The following SP140 variants were observed in gnomAD, a reference collection of about 807,000 sequenced individuals.
The protein encoded by SP140 is SP140 nuclear body protein.
A neutral mutation model predicts 125.0 loss-of-function variants in SP140; 81 were observed. That is an observed-to-expected ratio of 0.65 (90% CI 0.54 to 0.78). The LOEUF (loss-of-function observed/expected upper bound fraction) is 0.78. SP140 is among the 30% of genes least tolerant of loss of function. The pLI, the probability that SP140 is intolerant of heterozygous loss-of-function variation, is 0.00. For synonymous variants in SP140, 312 were observed against 354.0 expected (o/e 0.88, Z 1.33); for missense variants, 858 against 1,037.0 (o/e 0.83, Z 2.37).
intron 1 of SP140, among the ~76,000 whole-genome samples, chr2:230,230,042 A>G (rs1321777224): frequency 6.6e-6 from 1 of 152,014 alleles, no homozygotes; most frequent in Admixed American, 6.6e-5. Flanking sequence ...CTTCTTGTCC[A>G]TTGCCCAGAA....
At chr2:230,213,279 A>G (rs7601299) in intron 1 of SP140, among the ~76,000 whole-genome samples, 114,139 of 152,050 alleles carry the variant, frequency 0.75, 43,220 homozygotes, top group East Asian at 0.88. Flanking sequence ...GGTTTCACAC[A>G]TAAAAGTTGA....
chr2:230,253,806 T>C (rs1022431662), intron 11 of SP140, among the ~76,000 whole-genome samples: 5 of 152,176 alleles, frequency 3.3e-5, no homozygotes, highest in Non-Finnish European at 7.4e-5. Context: ...AACACAGACG[T>C]AAGTTTTGTG....
At chr2:230,263,038 C>T (rs1368968470) in intron 12 of SP140, among the ~76,000 whole-genome samples, 1 of 152,106 alleles carries the variant, frequency 6.6e-6, no homozygotes, top group Non-Finnish European at 1.5e-5. Flanking sequence ...GATGACCTGT[C>T]TAGTGCTGTC....
At chr2:230,277,700 A>G (rs2054926308) in intron 15 of SP140, among the ~76,000 whole-genome samples, 1 of 152,206 alleles carries the variant, frequency 6.6e-6, no homozygotes, top group South Asian at 2.1e-4. Flanking sequence ...AATATTTGGA[A>G]TACTTTTTAA....
chr2:230,253,235 G>A (rs2050645864), intron 10 of SP140, 81 bp from the exon 11 acceptor site: 1 of 952,182 alleles, frequency 1.1e-6, no homozygotes, highest in East Asian at 2.4e-5. Context: ...ACAAGACAGG[G>A]GTGGCTCTTA....
At chr2:230,259,962 G>C (rs2051948707) in intron 12 of SP140, among the ~76,000 whole-genome samples, 1 of 152,040 alleles carries the variant, frequency 6.6e-6, no homozygotes, top group Non-Finnish European at 1.5e-5. Flanking sequence ...ATACCCAGTA[G>C]TGGGATTGCT....
chr2:230,307,377 A>T (rs1279004857), intron 22 of SP140, among the ~76,000 whole-genome samples: 1 of 152,216 alleles, frequency 6.6e-6, no homozygotes, highest in African/African-American at 2.4e-5. Context: ...GGGCTGAAAC[A>T]TGCCCCTTGA....
At chr2:230,235,900 G>A (rs2047924299) in intron 1 of SP140, among the ~76,000 whole-genome samples, 1 of 135,386 alleles carries the variant, frequency 7.4e-6, no homozygotes, top group Non-Finnish European at 1.6e-5. Context: ...TTTTGAGATG[G>A]AGTCTTGCCT....
intron 5 of SP140, 91 bp from the exon 6 acceptor site, chr2:230,244,897 A>G: frequency 2.3e-6 from 2 of 867,398 alleles, no homozygotes; most frequent in Non-Finnish European, 3.7e-6. Context: ...GTTTTTTTGC[A>G]AGGAGAAGCT....
In SP140 at chr2:230,294,314, A is replaced by T. The variant is rs775718681; in HGVS notation, c.2012A>T (p.Lys671Ile). 5.0e-6 allele frequency: 8 copies of T among 1,610,380 alleles called. No individual in the cohort carries two copies. The highest frequency in any genetic ancestry group is 6.8e-6 in the Non-Finnish European group (8 of 1,176,726). Residue 671 changes from lysine to isoleucine, a missense_variant, in exon 21 of 27, where the codon AAA becomes ATA. Physicochemically the swap from Lys to Ile is moderately radical, Grantham distance 102. This residue lies in a region of SP140 where 791 missense variants were observed against 869.5 expected (regional missense o/e 0.91). Coordinates refer to ENST00000392045, the MANE Select transcript of SP140 (RefSeq NM_007237.5). ...CCTCCAAGAATACGTTACAGGAAAA[A>T]AAAGGTGATTATTACATAGCTTTAT... ...PDPPRIRYRKKKRILKSQNNS... is the reference protein window; with the variant it reads ...PDPPRIRYRKIKRILKSQNNS...
intron 20 of SP140, among the ~76,000 whole-genome samples, chr2:230,293,837 C>T (rs1029047934): frequency 6.6e-6 from 1 of 152,136 alleles, no homozygotes; most frequent in African/African-American, 2.4e-5. Flanking sequence ...TTTGTGAGTG[C>T]TTTTTGTCCG....
intron 19 of SP140, among the ~76,000 whole-genome samples, 173 bp downstream of exon 19, chr2:230,290,737 C>T (rs1043292495): frequency 2.6e-5 from 4 of 152,278 alleles, no homozygotes; most frequent in African/African-American, 9.6e-5. Context: ...ATCGCAACCA[C>T]CAGATGCTCA....
downstream of SP140, among the ~76,000 whole-genome samples, chr2:230,316,437 G>A (rs1268059458): frequency 3.3e-5 from 5 of 152,278 alleles, no homozygotes; most frequent in East Asian, 1.9e-4. Context: ...GCTTTGTAAC[G>A]TGTGTGTGTT....
chr2:230,272,438 T>C (rs1437827419), intron 15 of SP140, among the ~76,000 whole-genome samples: 1 of 152,142 alleles, frequency 6.6e-6, no homozygotes, highest in Admixed American at 6.5e-5. Context: ...AATTGAATCA[T>C]AGGGGCCGGT....
At chr2:230,186,605 G>A in the SP140 span, among the ~76,000 whole-genome samples, 52 of 152,172 alleles carry the variant, frequency 3.4e-4, no homozygotes, top group Non-Finnish European at 5.0e-4. Flanking sequence ...TGCACTCTTC[G>A]TCTGAGTAGT....
At chr2:230,220,584 A>G (rs927695230) in intron 3 of SP140, among the ~76,000 whole-genome samples, 2 of 152,210 alleles carry the variant, frequency 1.3e-5, no homozygotes, top group African/African-American at 4.8e-5. Context: ...GGGAGCCAGG[A>G]GTCTGAGGCA....
In SP140 at chr2:230,255,535, A is replaced by G. The variant is rs2051033039; in HGVS notation, c.1240+3A>G. 6.7e-7 allele frequency: 1 copy of G among 1,490,258 alleles called. No homozygotes were observed. The highest frequency in any genetic ancestry group is 2.4e-5 in the African/African-American group (1 of 40,886). The allele number at this position is 1,490,258 out of a possible 1,614,324, so 92.3% of individuals were successfully genotyped here. A position where few individuals can be genotyped will look rare whatever the true frequency, so the allele number is the denominator to read the frequency against. ...CTCCCTAGCAAGACGTGGGTCAGGT[A>G]AGGACGGGGGGGGGGATTTCTGGCC... On this transcript the variant is annotated splice_donor_region_variant and intron_variant, in intron 12 of 26. Transcript: ENST00000392045.
At chr2:230,226,648 G>C (rs2046417095) in intron 1 of SP140, among the ~76,000 whole-genome samples, 1 of 151,506 alleles carries the variant, frequency 6.6e-6, no homozygotes, top group South Asian at 2.1e-4. Context: ...TGTAATTCCA[G>C]CTACTCAGGA....
Position 230,310,578 on chromosome 2 carries a change from A to G in SP140, c.2175-165A>G, listed in dbSNP as rs552180996. 2.2e-4 allele frequency among the ~76,000 whole-genome samples: 33 copies of G among 152,146 alleles called. No homozygotes were observed. In the South Asian group the frequency reaches 2.9e-3, roughly 13 times the overall value. ...TACCACTGATGCGAGGGAAAGGCCA[A>G]TGGCTGGAGACCCCATGTGTGAATC... On this transcript the variant is annotated intron_variant, in intron 23 of 26. Transcript: ENST00000392045.
Sources: allele counts gnomAD v4.1 joint callset (sites outside exome capture counted in the v4.1 genomes callset), GRCh38; gene constraint gnomAD v4.1.1; regional missense constraint gnomAD v4.1.1; transcripts MANE v1.5; gene names NCBI Gene and HGNC (gene_info 2026-07-23, HGNC 2026-07-21).